The following ARMC2 variants were observed in gnomAD, a reference collection of about 807,000 sequenced individuals.
The protein encoded by ARMC2 is armadillo repeat-containing protein 2.
A neutral mutation model predicts 90.3 loss-of-function variants in ARMC2; 67 were observed. The observed-to-expected ratio is 0.74, with a 90% CI of 0.61 to 0.91. ARMC2 has a LOEUF of 0.91. Ranked by LOEUF, ARMC2 falls within the 40% of genes least tolerant of loss-of-function variation. ARMC2 has a pLI of 0.00. For synonymous variants in ARMC2, 393 were observed against 393.0 expected (o/e 1.00, Z 0.00); for missense variants, 920 against 1,030.9 (o/e 0.89, Z 1.47).
intron 6 of ARMC2, among the ~76,000 whole-genome samples, chr6:108,899,257 AT>A (rs1405043468): frequency 3.9e-5 from 6 of 152,166 alleles, no homozygotes; most frequent in African/African-American, 1.4e-4. Flanking sequence ...TAGTGTAGAC[AT>A]TTTATTTCTA....
At chr6:108,917,692 G>T (rs1774113688) in intron 10 of ARMC2, among the ~76,000 whole-genome samples, 1 of 152,022 alleles carries the variant, frequency 6.6e-6, no homozygotes, top group African/African-American at 2.4e-5. Context: ...CTGTCGCCCA[G>T]GCTGGAATGC....
chr6:108,902,118 A>G (rs928172761), intron 7 of ARMC2, among the ~76,000 whole-genome samples: 15 of 152,220 alleles, frequency 9.9e-5, no homozygotes, highest in African/African-American at 2.7e-4. Flanking sequence ...TAATGAATAC[A>G]TATCTTGGGG....
the ARMC2 span, chr6:109,009,646 G>A: frequency 1.3e-6 from 1 of 788,608 alleles, no homozygotes; most frequent in South Asian, 5.8e-5. Context: ...AGCCAATGCG[G>A]GCTCGCGTCC....
At chr6:108,936,860 A>T in intron 11 of ARMC2, 40 bp from the exon 12 acceptor site, 1 of 1,501,206 alleles carries the variant, frequency 6.7e-7, no homozygotes, top group Non-Finnish European at 9.1e-7. Context: ...TTATAGAAAA[A>T]CAAAGTTTAC....
chr6:108,908,003 C>T, intron 8 of ARMC2: 4 of 854,770 alleles, frequency 4.7e-6, no homozygotes, highest in African/African-American at 1.7e-5. Context: ...CTATTTTCCT[C>T]CTGGGAACAG....
At chr6:109,051,801 T>C in the ARMC2 span, among the ~76,000 whole-genome samples, 1 of 152,206 alleles carries the variant, frequency 6.6e-6, no homozygotes, top group Admixed American at 6.5e-5. Flanking sequence ...TGGCATTTGG[T>C]CTGATAAGGG....
the ARMC2 span, among the ~76,000 whole-genome samples, chr6:108,981,979 T>C: frequency 2.0e-5 from 3 of 152,144 alleles, no homozygotes; most frequent in African/African-American, 7.2e-5. Context: ...ATTTCTTTCC[T>C]TTTTAAGACT....
rs1776092889 is a variant in ARMC2, at chr6:108,868,814, C to T, written c.292-10C>T. On this transcript the variant is annotated splice_polypyrimidine_tract_variant and intron_variant, in intron 3 of 17. Transcript: ENST00000392644. ...AGTCATTCCAGTTATTTAAAAAAAT[C>T]TCTTTCCAGAAACCGAAAGTTCCAG... 6.2e-7 allele frequency: 1 copy of T among 1,610,596 alleles called. No individual in the cohort carries two copies. The highest frequency in any genetic ancestry group is 1.7e-5 in the Admixed American group (1 of 59,050).
chr6:108,938,332 G>A (rs1200572782), intron 12 of ARMC2, among the ~76,000 whole-genome samples: 1 of 151,678 alleles, frequency 6.6e-6, no homozygotes, highest in East Asian at 1.9e-4. Context: ...GACTTCTGCT[G>A]AGAATTATTA....
At chr6:108,959,193 C>T (rs1406139071) in intron 13 of ARMC2, among the ~76,000 whole-genome samples, 13 of 152,126 alleles carry the variant, frequency 8.5e-5, no homozygotes, top group South Asian at 4.2e-4. Flanking sequence ...GGGCCACTGG[C>T]GGAAGGAACA....
At chr6:108,887,507 G>A (rs1360714649) in intron 5 of ARMC2, among the ~76,000 whole-genome samples, 1 of 152,184 alleles carries the variant, frequency 6.6e-6, no homozygotes, top group Non-Finnish European at 1.5e-5. Context: ...GGTTACAGCT[G>A]GAACTGAGGG....
chr6:108,930,903 CT>C (rs533786819), intron 11 of ARMC2, among the ~76,000 whole-genome samples: 2,264 of 140,150 alleles, frequency 0.016, 59 homozygotes, highest in Admixed American at 0.082. Context: ...CCCCCACCCC[CT>C]TTTTTTTTTT....
rs371896923 is a variant in ARMC2, at chr6:108,911,021, A to G, written c.1126+20A>G. The G allele has an allele frequency of 8.5e-5, 121 of 1,419,424 alleles. No individual in the cohort carries two copies. The highest frequency in any genetic ancestry group is 1.2e-4 in the Non-Finnish European group (120 of 1,029,528). 87.9% of individuals were successfully genotyped at this position (1,419,424 alleles called of 1,614,324 possible). A position where few individuals can be genotyped will look rare whatever the true frequency, so the allele number is the denominator to read the frequency against. ...TTCTGGGTGAGTGTCATTCAGTGCT[A>G]CTATTGAGCAAATGCTGTACTTGAG... is the stretch of plus-strand genomic sequence containing the variant. On this transcript the variant is annotated intron_variant, in intron 9 of 17. Coordinates refer to ENST00000392644, the MANE Select transcript of ARMC2 (RefSeq NM_032131.6).
chr6:108,971,244 T>C lies in ARMC2; in HGVS notation c.2447-2113T>C, dbSNP rs1778745045. Among the ~76,000 whole-genome samples the C allele has an allele frequency of 2.0e-5, 3 of 152,148 alleles. No individual in the cohort carries two copies. The South Asian group carries it at 6.2e-4, about 31-fold the overall frequency. On this transcript the variant is annotated intron_variant, in intron 17 of 17. Coordinates refer to ENST00000392644, the MANE Select transcript of ARMC2 (RefSeq NM_032131.6). ...GGAATGAAATCTGAATCACTGAGAC[T>C]ACCTGACTCTTTTTGTCTGGAAGTA...
intron 10 of ARMC2, among the ~76,000 whole-genome samples, chr6:108,923,618 CT>C (rs35715301): frequency 0.26 from 35,311 of 137,128 alleles, 5,290 homozygotes; most frequent in Non-Finnish European, 0.35. Flanking sequence ...TCCCCACACC[CT>C]TTTTTTTTTT....
chr6:108,958,614 G>T (rs142829300), intron 13 of ARMC2, among the ~76,000 whole-genome samples: 182 of 152,264 alleles, frequency 1.2e-3, no homozygotes, highest in African/African-American at 4.3e-3. Flanking sequence ...CCCAAACACT[G>T]CCCAAGACCT....
chr6:108,943,817 A>G (rs1028038997), intron 12 of ARMC2, among the ~76,000 whole-genome samples: 21 of 152,318 alleles, frequency 1.4e-4, no homozygotes, highest in African/African-American at 5.1e-4. Context: ...CTGGTTACAC[A>G]GTGAAACCCT....
At chr6:108,912,685 G>A in intron 10 of ARMC2, 127 bp downstream of exon 10, 1 of 792,182 alleles carries the variant, frequency 1.3e-6, no homozygotes, top group Non-Finnish European at 2.0e-6. Context: ...TCCAAGGGCA[G>A]CAGCCATAGC....
Position 108,854,440 on chromosome 6 carries a change from C to A in ARMC2, c.173C>A (p.Pro58His), listed in dbSNP as rs773652426. 6.2e-7 allele frequency: 1 copy of A among 1,613,622 alleles called. No homozygotes were observed. Among genetic ancestry groups the A allele is most frequent in the Non-Finnish European group, 8.5e-7 (1 of 1,179,822 alleles). ...GAGGCTCAAAGAAAACTATTCGGAC[C>A]TGCATCCTCAAGAACATCAGAAAAT... ...PQEAQRKLFG[P>H]ASSRTSENRP... Residue 58 changes from proline (P) to histidine (H), a missense_variant, in exon 2 of 18, where the codon CCT becomes CAT. Pro to His is a moderately conservative substitution (Grantham distance 77, BLOSUM62 -2). Coordinates refer to ENST00000392644, the MANE Select transcript of ARMC2 (RefSeq NM_032131.6).
Sources: gnomAD v4.1 joint callset for allele counts (sites outside exome capture counted in the v4.1 genomes callset) on GRCh38, gnomAD v4.1.1 for gene constraint, MANE v1.5 for transcripts, NCBI Gene and HGNC (gene_info 2026-07-23, HGNC 2026-07-21) for gene names.